Variants in COL2A1 observed in about 807,000 individuals in gnomAD.
COL2A1 encodes the protein collagen type II alpha 1 chain, also known as collagen alpha-1(II) chain.
In COL2A1, 28 loss-of-function variants were observed where a neutral mutation model predicts 204.5. The observed-to-expected ratio is 0.14, with a 90% CI of 0.10 to 0.19. COL2A1 has a LOEUF of 0.19. Ranked by LOEUF, COL2A1 falls within the 10% of genes least tolerant of loss-of-function variation. The probability of loss-of-function intolerance (pLI) is 1.00; values close to 1 mark genes in which losing one functional copy is unlikely to be tolerated. For missense variants in COL2A1, 1,388 were observed against 2,027.5 expected, an observed-to-expected ratio of 0.68 and a Z score of 6.06; for synonymous variants, 708 against 718.7, an observed-to-expected ratio of 0.99 and a Z score of 0.24.
At chr12:47,985,146 C>A in intron 26 of COL2A1, 53 bp from the exon 27 acceptor site, 1 of 1,444,996 alleles carries the variant, frequency 6.9e-7, no homozygotes, top group Non-Finnish European at 9.7e-7. Context: ...CACATCCATC[C>A]ACCCAACATC....
At chr12:47,982,023 G>T in intron 35 of COL2A1, 84 bp downstream of exon 35, 1 of 1,444,364 alleles carries the variant, frequency 6.9e-7, no homozygotes, top group Non-Finnish European at 9.8e-7. Context: ...CCCAGTGGCA[G>T]ACTGCCCAGC....
chr12:47,998,643 G>A, intron 2 of COL2A1: 1 of 595,598 alleles, frequency 1.7e-6, no homozygotes. Context: ...GAATGGAGGT[G>A]ACCCAGACTT....
chr12:47,975,702 C>T, intron 50 of COL2A1, 97 bp from the exon 51 acceptor site: 2 of 1,376,906 alleles, frequency 1.5e-6, no homozygotes, highest in Non-Finnish European at 2.0e-6. Context: ...TCCCTCTTCC[C>T]AGCCCCATGG....
intron 17 of COL2A1, among the ~76,000 whole-genome samples, chr12:47,989,515 T>C (rs1352023674): frequency 6.6e-6 from 1 of 152,172 alleles, no homozygotes; most frequent in Non-Finnish European, 1.5e-5. Flanking sequence ...AAGCAGAAAC[T>C]CCTTTGACCT....
intron 16 of COL2A1, among the ~76,000 whole-genome samples, chr12:47,992,312 G>A (rs368757002): frequency 1.6e-4 from 25 of 152,226 alleles, no homozygotes; most frequent in East Asian, 9.6e-4. Flanking sequence ...TCTGTGTCTC[G>A]GTTTTTTCAT....
intron 41 of COL2A1, among the ~76,000 whole-genome samples, chr12:47,979,231 C>G (rs2136530920): frequency 6.6e-6 from 1 of 152,302 alleles, no homozygotes; most frequent in Non-Finnish European, 1.5e-5. Context: ...GTGCACAGAA[C>G]ATGCTCAAGA....
rs1297466605 is a variant in COL2A1, at chr12:47,978,785, G to A, written c.2734-27C>T. On this transcript the variant is annotated intron_variant, in intron 41 of 53. Transcript: ENST00000380518. This position sits in a 1 kb window ranked among gnomAD's most constrained non-coding sequence, Gnocchi z 5.5. ...TAGAAGGAGAAAATGCGGGAAGTGA[G>A]GACTCATCTCACCCTTCCTCATCCA... 1 of 1,608,898 alleles carries A rather than the reference G, an allele frequency of 6.2e-7. No homozygotes were observed. The highest frequency in any genetic ancestry group is 8.5e-7 in the Non-Finnish European group (1 of 1,179,416).
intron 52 of COL2A1, 95 bp from the exon 53 acceptor site, chr12:47,974,426 C>T (rs989400857): frequency 1.3e-6 from 2 of 1,527,646 alleles, no homozygotes; most frequent in South Asian, 1.2e-5. Context: ...GGTTCAAGGA[C>T]CTCAAGGGTA....
intron 27 of COL2A1, 71 bp from the exon 28 acceptor site, chr12:47,984,670 G>A: frequency 7.0e-7 from 1 of 1,430,402 alleles, no homozygotes; most frequent in Non-Finnish European, 9.8e-7. Flanking sequence ...GCGGGCTGCA[G>A]GGACTGAGGC....
intron 50 of COL2A1, 55 bp downstream of exon 50, chr12:47,975,908 A>G (rs1000839040): frequency 2.7e-5 from 37 of 1,376,320 alleles, no homozygotes; most frequent in Non-Finnish European, 3.8e-5. Flanking sequence ...AAAGAGCTCA[A>G]GCCTCCCGGA....
At chr12:47,974,602 C>T (rs1565665830) in intron 52 of COL2A1, 73 bp downstream of exon 52, 1 of 1,549,482 alleles carries the variant, frequency 6.5e-7, no homozygotes, top group Admixed American at 1.7e-5. Flanking sequence ...GTGCTAAAAG[C>T]TTCCAGGGAG....
Position 47,978,847 on chromosome 12 carries a change from T to A in COL2A1, c.2734-89A>T. 1 of 1,418,708 alleles carries A rather than the reference T, an allele frequency of 7.0e-7. No individual in the cohort carries two copies. Among genetic ancestry groups the A allele is most frequent in the Non-Finnish European group, 9.9e-7 (1 of 1,013,104 alleles). The allele number at this position is 1,418,708 out of a possible 1,614,324, so 87.9% of individuals were successfully genotyped here. On this transcript the variant is annotated intron_variant, in intron 41 of 53. Coordinates refer to ENST00000380518, the MANE Select transcript of COL2A1 (RefSeq NM_001844.5). The surrounding 1 kb of genome is among the most constrained non-coding windows in gnomAD (Gnocchi z 5.5). ...TCACTGTGGCCTCAGTGACAGCAGTTTCCTCTCTGGGGGCTTCTCTACCTC... is the reference window on the plus strand; with the variant it reads ...TCACTGTGGCCTCAGTGACAGCAGTATCCTCTCTGGGGGCTTCTCTACCTC...
rs1161207534 is a variant in COL2A1 at position 47,974,237 on chromosome 12, G to A, written c.4169C>T (p.Thr1390Ile). Residue 1390 changes from threonine (T) to isoleucine (I), a missense_variant, in exon 53 of 54, where the codon ACC (threonine) becomes ATC (isoleucine). This residue lies in a region of COL2A1 where 303 missense variants were observed against 369.2 expected (regional missense o/e 0.82). Coordinates refer to ENST00000380518, the MANE Select transcript of COL2A1 (RefSeq NM_001844.5). ...LLSTEGSQNI[T>I]YHCKNSIAYL... The stretch of plus-strand genomic sequence containing the variant: ...GGCAATGCTGTTCTTGCAGTGGTAG[G>A]TGATGTTCTGGGAGCCTTCCGTGGA... 10 of 1,614,154 alleles carry A rather than the reference G, an allele frequency of 6.2e-6. No homozygotes were observed. The African/African-American group carries it at 1.2e-4, about 19-fold the overall frequency.
At position 47,995,327 on chromosome 12, in the gene COL2A1, AG is replaced by A. The variant is rs1939903581; in HGVS notation, c.709-20del. ...TGGGACCCTACAAACAAAGGAAGAT[AG>A]TTTAAGAGATGGTTATAGTGGGAAG... On this transcript the variant is annotated intron_variant, in intron 10 of 53. Coordinates refer to ENST00000380518, the MANE Select transcript of COL2A1 (RefSeq NM_001844.5). 1.2e-6 allele frequency: 2 copies of A among 1,607,600 alleles called. No homozygotes were observed. Among genetic ancestry groups the A allele is most frequent in the African/African-American group, 2.7e-5 (2 of 74,922 alleles).
intron 27 of COL2A1, 98 bp downstream of exon 27, chr12:47,984,897 C>T: frequency 9.6e-7 from 1 of 1,046,804 alleles, no homozygotes; most frequent in Non-Finnish European, 1.5e-6. Flanking sequence ...ATCACTGTCC[C>T]TGGTTAAACT....
Position 47,978,088 on chromosome 12 carries a change from T to C in COL2A1, c.3033A>G (p.Gly1011=). Residue 1011 remains glycine (G), a synonymous_variant, in exon 44 of 54, where the codon GGA becomes GGG. Transcript: ENST00000380518. This position sits in a 1 kb window ranked among gnomAD's most constrained non-coding sequence, Gnocchi z 5.5. ...CAGGAGGACCTCTGTCTCCAGATGC[T>C]CCAGGAGCACCCTGCTTGCCGGGCT... ...SGEPGKQGAP[G]ASGDRGPPGP... 1 of 1,613,694 alleles carries C rather than the reference T, an allele frequency of 6.2e-7. No individual in the cohort carries two copies. The highest frequency in any genetic ancestry group is 8.5e-7 in the Non-Finnish European group (1 of 1,179,974).
chr12:47,981,767 G>A lies in COL2A1; in HGVS notation c.2409+9C>T, dbSNP rs370390239. 2.6e-5 allele frequency: 40 copies of A among 1,552,890 alleles called. No homozygotes were observed. In the Middle Eastern group the frequency reaches 5.0e-4, roughly 19 times the overall value. ...GCAAGGTGTGGAGAGGAAAGGAGCC[G>A]GGACTCACCTTCTCGCCATTAGCAC... On this transcript the variant is annotated intron_variant, in intron 36 of 53. Coordinates refer to ENST00000380518, the MANE Select transcript of COL2A1 (RefSeq NM_001844.5).
At chr12:47,979,762 C>T (rs954531792) in intron 40 of COL2A1, among the ~76,000 whole-genome samples, 198 bp from the exon 41 acceptor site, 2 of 152,180 alleles carry the variant, frequency 1.3e-5, no homozygotes, top group Admixed American at 6.5e-5. Context: ...TCCCTGCCTC[C>T]GGTTTCCACA....
Position 47,983,683 on chromosome 12 carries a change from C to T in COL2A1, c.1995G>A (p.Gln665=), listed in dbSNP as rs778506239. 11 of 1,598,858 alleles carry T rather than the reference C, an allele frequency of 6.9e-6. No homozygotes were observed. Among genetic ancestry groups the T allele is most frequent in the South Asian group, 6.8e-5 (6 of 88,274 alleles). The change falls in exon 30 of 54, where the codon CAG becomes CAA. Residue 665 remains glutamine, a splice_region_variant and synonymous_variant. Coordinates refer to ENST00000380518, the MANE Select transcript of COL2A1 (RefSeq NM_001844.5). ...EQGAPGPSGF[Q]GLPGPPGPPG... is the part of the protein sequence containing the mutation. ...CAGAGAGCCTGGTCCAGCCACCTAC[C>T]TGGAACCCAGATGGCCCAGGAGCAC...
Sources: gnomAD v4.1 joint callset for allele counts (sites outside exome capture counted in the v4.1 genomes callset) on GRCh38, gnomAD v4.1.1 for gene constraint, gnomAD v4.1.1 regional missense constraint, Gnocchi (gnomAD v3.1) non-coding constraint, MANE v1.5 for transcripts, NCBI Gene and HGNC (gene_info 2026-07-23, HGNC 2026-07-21) for gene names.